The following THRB variants were observed in gnomAD, a reference collection of about 807,000 sequenced individuals.
The protein encoded by THRB is thyroid hormone receptor beta, also known as nuclear receptor subfamily 1 group A member 2.
Under a neutral mutation model 47.8 loss-of-function variants are expected in THRB, and 12 were observed. The observed-to-expected ratio is 0.25, with a 90% CI of 0.16 to 0.41. The LOEUF is 0.41. Among genes scored for constraint, THRB ranks in the 10% least tolerant of loss-of-function variants. THRB has a pLI of 1.00. For synonymous variants in THRB, 218 were observed against 212.2 expected (o/e 1.03, Z -0.24); for missense variants, 348 against 589.2 (o/e 0.59, Z 4.24).
chr3:24,266,630 G>A (rs1250848191), intron 3 of THRB, among the ~76,000 whole-genome samples: 1 of 152,092 alleles, frequency 6.6e-6, no homozygotes, highest in African/African-American at 2.4e-5. Context: ...TTAGCACATC[G>A]AATGGGATTT....
At chr3:24,209,439 A>G (rs1027587299) in intron 4 of THRB, among the ~76,000 whole-genome samples, 11 of 152,356 alleles carry the variant, frequency 7.2e-5, no homozygotes, top group Admixed American at 6.5e-4. Flanking sequence ...ATGTCCATCA[A>G]TGATAGACTG....
intron 1 of THRB, among the ~76,000 whole-genome samples, chr3:24,410,941 T>C (rs1055398210): frequency 6.6e-6 from 1 of 151,852 alleles, no homozygotes; most frequent in Non-Finnish European, 1.5e-5. Context: ...ATAATGCGGA[T>C]GGTTCATCAT....
At chr3:24,209,345 T>C (rs1346078299) in intron 4 of THRB, among the ~76,000 whole-genome samples, 1 of 152,218 alleles carries the variant, frequency 6.6e-6, no homozygotes, top group Non-Finnish European at 1.5e-5. Context: ...CAAAGGATTA[T>C]AAATCATGCT....
chr3:24,487,028 T>C (rs1697404760), intron 1 of THRB, among the ~76,000 whole-genome samples: 1 of 152,118 alleles, frequency 6.6e-6, no homozygotes, highest in Non-Finnish European at 1.5e-5. Flanking sequence ...AGAAAGAAAG[T>C]CAAGGAAAGA....
chr3:24,479,141 AC>A (rs1391582535), intron 1 of THRB, among the ~76,000 whole-genome samples: 1 of 152,080 alleles, frequency 6.6e-6, no homozygotes, highest in African/African-American at 2.4e-5. Context: ...TATTAAAAAT[AC>A]AAAAAAAAAA....
chr3:24,422,582 T>G (rs1393119495), intron 1 of THRB, among the ~76,000 whole-genome samples: 1 of 151,948 alleles, frequency 6.6e-6, no homozygotes, highest in Admixed American at 6.6e-5. Flanking sequence ...TTTCCATTTC[T>G]GGCAAAATGG....
At chr3:24,314,483 A>G (rs1263385823) in intron 2 of THRB, among the ~76,000 whole-genome samples, 2 of 152,208 alleles carry the variant, frequency 1.3e-5, no homozygotes, top group African/African-American at 4.8e-5. Flanking sequence ...GCAATTTTGC[A>G]TTTATAATAA....
rs548921995 is a variant in THRB at position 24,118,847 on chromosome 3, T to C, written c.*4037A>G. On this transcript the variant is annotated 3_prime_UTR_variant, in exon 11 of 11. Coordinates refer to ENST00000646209, the MANE Select transcript of THRB (RefSeq NM_001354712.2). ...AAACAGCGTTTTACCTGCACAATAT[T>C]GCTCTTGAAGGCGGCATTAATTAAT... 1 of 152,778 alleles carries C rather than the reference T, an allele frequency of 6.5e-6. No homozygotes were observed. Among genetic ancestry groups the C allele is most frequent in the South Asian group, 2.1e-4 (1 of 4,830 alleles). 9.5% of individuals were successfully genotyped at this position (152,778 alleles called of 1,614,324 possible). A position where few individuals can be genotyped will look rare whatever the true frequency, so the allele number is the denominator to read the frequency against.
At chr3:24,205,177 G>A (rs2045162170) in intron 4 of THRB, among the ~76,000 whole-genome samples, 1 of 152,164 alleles carries the variant, frequency 6.6e-6, no homozygotes, top group African/African-American at 2.4e-5. Context: ...TCCTTGAGAA[G>A]AGCAACTCCA....
chr3:24,437,732 C>G (rs1553760371), intron 1 of THRB, among the ~76,000 whole-genome samples: 1 of 151,942 alleles, frequency 6.6e-6, no homozygotes, highest in Non-Finnish European at 1.5e-5. Flanking sequence ...CAAGGATCCT[C>G]CTGTCTATGT....
chr3:24,430,602 T>C (rs1365847443), intron 1 of THRB: 2 of 152,018 alleles, frequency 1.3e-5, no homozygotes, highest in Non-Finnish European at 2.9e-5. Context: ...TTCAGTGAAA[T>C]CTTTAAAAAA....
Position 24,337,389 on chromosome 3 carries a change from C to G in THRB, c.-260-18G>C, listed in dbSNP as rs547133206. ...TCGCAGATCTGGAAAAAAGGAAACA[C>G]AGAAGATAAATATAATTTGTTGTTT... is the stretch of plus-strand genomic sequence containing the variant. On this transcript the variant is annotated intron_variant, in intron 1 of 10. Coordinates refer to ENST00000646209, the MANE Select transcript of THRB (RefSeq NM_001354712.2). The G allele has an allele frequency of 1.3e-5, 2 of 152,190 alleles. No individual in the cohort carries two copies. The highest frequency in any genetic ancestry group is 4.8e-5 in the African/African-American group (2 of 41,438). The allele number at this position is 152,190 out of a possible 1,614,324, so 9.4% of individuals were successfully genotyped here.
At chr3:24,364,556 A>G (rs931956958) in intron 1 of THRB, among the ~76,000 whole-genome samples, 2 of 152,186 alleles carry the variant, frequency 1.3e-5, no homozygotes, top group African/African-American at 4.8e-5. Flanking sequence ...AAGATTGAAT[A>G]ACTTGTTCTG....
chr3:24,241,251 G>C (rs147191123), intron 3 of THRB, among the ~76,000 whole-genome samples: 2 of 115,644 alleles, frequency 1.7e-5, no homozygotes, highest in Admixed American at 1.7e-4. Context: ...TTCTCAAGGA[G>C]GGGTTTTCAC....
chr3:24,441,014 C>A (rs1191089853), intron 1 of THRB, among the ~76,000 whole-genome samples: 4 of 152,190 alleles, frequency 2.6e-5, no homozygotes, highest in African/African-American at 7.2e-5. Flanking sequence ...GCTGCAAACT[C>A]AGCTATGGCT....
chr3:24,307,096 T>C (rs1015411789), intron 2 of THRB, among the ~76,000 whole-genome samples: 2 of 151,948 alleles, frequency 1.3e-5, no homozygotes, highest in Non-Finnish European at 1.5e-5. Context: ...TACTTGGCAA[T>C]AATTTTTAAT....
At chr3:24,482,990 ACTT>A (rs1195122901) in intron 1 of THRB, among the ~76,000 whole-genome samples, 1 of 152,296 alleles carries the variant, frequency 6.6e-6, no homozygotes, top group African/African-American at 2.4e-5. Context: ...TCTGCATGAT[ACTT>A]CTTATCATTG....
chr3:24,272,374 A>AACAACAAC (rs2053438166), intron 3 of THRB, among the ~76,000 whole-genome samples: 2 of 142,090 alleles, frequency 1.4e-5, no homozygotes, highest in Admixed American at 6.8e-5. Context: ...ACAACAACAA[A>AACAACAAC]CAAAAACAAA....
chr3:24,134,324 A>T (rs758521934), intron 8 of THRB, among the ~76,000 whole-genome samples: 1 of 152,070 alleles, frequency 6.6e-6, no homozygotes, highest in Non-Finnish European at 1.5e-5. Context: ...CCCTGATGTG[A>T]TCTGTGTCCA....
Sources: gnomAD v4.1 joint callset for allele counts (sites outside exome capture counted in the v4.1 genomes callset) on GRCh38, gnomAD v4.1.1 for gene constraint, MANE v1.5 for transcripts, NCBI Gene and HGNC (gene_info 2026-07-23, HGNC 2026-07-21) for gene names.